Variants in STAG1 observed in about 807,000 individuals in gnomAD.
The protein encoded by STAG1 is STAG1 cohesin complex component.
STAG1 carries 26 observed loss-of-function variants against 170.9 expected under a neutral mutation model. The observed-to-expected ratio is 0.15, with a 90% CI of 0.11 to 0.21. The LOEUF (loss-of-function observed/expected upper bound fraction) is 0.21. Ranked by LOEUF, STAG1 falls within the 10% of genes least tolerant of loss-of-function variation. The pLI is 1.00. For missense variants in STAG1, 964 were observed against 1,509.5 expected (o/e 0.64, Z 5.99); for synonymous variants, 514 against 497.7 (o/e 1.03, Z -0.44).
intron 1 of STAG1, among the ~76,000 whole-genome samples, chr3:136,651,841 G>A (rs1576717140): frequency 6.6e-6 from 1 of 152,212 alleles, no homozygotes; most frequent in East Asian, 1.9e-4. Flanking sequence ...GACATCCTAA[G>A]CTCTGTGAAA....
chr3:136,595,511 G>A (rs1414589902), intron 4 of STAG1, among the ~76,000 whole-genome samples: 1 of 151,750 alleles, frequency 6.6e-6, no homozygotes, highest in Non-Finnish European at 1.5e-5. Flanking sequence ...GGCTAACACG[G>A]TAAAACCCTG....
At chr3:136,540,270 T>C (rs917307762) in intron 6 of STAG1, among the ~76,000 whole-genome samples, 1 of 151,990 alleles carries the variant, frequency 6.6e-6, no homozygotes, top group African/African-American at 2.4e-5. Flanking sequence ...AGTAAGTATT[T>C]TCACTTTAAA....
At chr3:136,349,502 C>A in intron 28 of STAG1, 139 bp from the exon 29 acceptor site, 1 of 661,426 alleles carries the variant, frequency 1.5e-6, no homozygotes. Context: ...CAGTGGTCAC[C>A]TTTGGAAAGA....
intron 5 of STAG1, among the ~76,000 whole-genome samples, chr3:136,554,658 G>T (rs1936536568): frequency 6.6e-6 from 1 of 152,174 alleles, no homozygotes; most frequent in Non-Finnish European, 1.5e-5. Flanking sequence ...ATATTGTGAG[G>T]TTGAGAGGGG....
chr3:136,736,875 T>C (rs1031594787), intron 1 of STAG1: 5 of 1,584,706 alleles, frequency 3.2e-6, no homozygotes, highest in Non-Finnish European at 4.3e-6. Context: ...ATTCTTTTCC[T>C]GCCTGAATTA....
intron 1 of STAG1, among the ~76,000 whole-genome samples, chr3:136,637,755 C>T (rs1940628323): frequency 1.3e-5 from 2 of 151,976 alleles, no homozygotes. Flanking sequence ...ACCTGGAACT[C>T]CAGAATGAAT....
At position 136,568,752 on chromosome 3, in the gene STAG1, C is replaced by T. The variant is rs189577134; in HGVS notation, c.394+13G>A. ...CAGGCTCAATGTACATCATTTATTT[C>T]AACATTCTGTACCTCGACATCCTGA... On this transcript the variant is annotated intron_variant, in intron 5 of 33. Transcript: ENST00000383202. 6,184 of 1,594,034 alleles carry T rather than the reference C, an allele frequency of 3.9e-3. 25 individuals carry two copies. The highest frequency in any genetic ancestry group is 4.8e-3 in the Admixed American group (285 of 59,798).
At chr3:136,458,592 TGA>T (rs1325499230) in intron 13 of STAG1, among the ~76,000 whole-genome samples, 5 of 150,288 alleles carry the variant, frequency 3.3e-5, no homozygotes, top group African/African-American at 9.8e-5. Flanking sequence ...AGGAAGACAG[TGA>T]GAGAGAGAAA....
At chr3:136,528,469 A>G (rs1474220061) in intron 6 of STAG1, among the ~76,000 whole-genome samples, 1 of 145,952 alleles carries the variant, frequency 6.9e-6, no homozygotes, top group Non-Finnish European at 1.5e-5. Context: ...GAATACAATA[A>G]TTCCCCAGCA....
At chr3:136,631,291 A>G (rs534751319) in intron 1 of STAG1, among the ~76,000 whole-genome samples, 1 of 152,376 alleles carries the variant, frequency 6.6e-6, no homozygotes, top group African/African-American at 2.4e-5. Flanking sequence ...ATTATTAAGT[A>G]AAGAAGCCAA....
chr3:136,559,123 A>AT lies in STAG1; in HGVS notation c.394+9641_394+9642insA, dbSNP rs1316640410. 6.0e-3 allele frequency among the ~76,000 whole-genome samples: 786 copies of AT among 129,924 alleles called. 5 individuals carry two copies. Among genetic ancestry groups the AT allele is most frequent in the African/African-American group, 0.02 (690 of 34,342 alleles). The allele number at this position is 129,924 out of a possible 152,430, so 85.2% of individuals were successfully genotyped here. A position where few individuals can be genotyped will look rare whatever the true frequency, so the allele number is the denominator to read the frequency against. On this transcript the variant is annotated intron_variant, in intron 5 of 33. Coordinates refer to ENST00000383202, the MANE Select transcript of STAG1 (RefSeq NM_005862.3). The stretch of plus-strand genomic sequence containing the variant: ...GATTTAAGAAAGATAACACTGAACT[A>AT]CCTATCTATCTATCTATCTATCTAT...
intron 1 of STAG1, among the ~76,000 whole-genome samples, chr3:136,632,915 T>C (rs1256523563): frequency 6.6e-6 from 1 of 152,082 alleles, no homozygotes; most frequent in East Asian, 1.9e-4. Context: ...GGGTGCCAAT[T>C]CTTTAGGTAA....
chr3:136,705,874 G>T (rs1451299182), intron 1 of STAG1, among the ~76,000 whole-genome samples: 2 of 151,944 alleles, frequency 1.3e-5, no homozygotes, highest in Admixed American at 6.6e-5. Flanking sequence ...AGACACAATG[G>T]CTCATGCCTA....
intron 16 of STAG1, among the ~76,000 whole-genome samples, chr3:136,432,164 T>A (rs956736609): frequency 9.2e-5 from 14 of 152,322 alleles, no homozygotes; most frequent in African/African-American, 3.4e-4. Context: ...GTTTTTCTAT[T>A]GTCTCTTTCA....
intron 16 of STAG1, among the ~76,000 whole-genome samples, chr3:136,424,260 C>CA (rs2088045823): frequency 6.6e-6 from 1 of 151,088 alleles, no homozygotes. Flanking sequence ...TCTTGAAATT[C>CA]ATTTGACAAT....
At chr3:136,550,838 T>C (rs1032459631) in intron 5 of STAG1, among the ~76,000 whole-genome samples, 8 of 152,194 alleles carry the variant, frequency 5.3e-5, no homozygotes, top group African/African-American at 1.9e-4. Context: ...GTCAGGTATT[T>C]TATACAATGT....
chr3:136,473,969 T>C (rs761619951), intron 10 of STAG1, among the ~76,000 whole-genome samples: 3 of 152,200 alleles, frequency 2.0e-5, no homozygotes, highest in Non-Finnish European at 4.4e-5. Context: ...TGTTTATTTG[T>C]CCTTTATGTA....
intron 19 of STAG1, among the ~76,000 whole-genome samples, chr3:136,421,763 G>A (rs112685320): frequency 2.2e-4 from 33 of 152,216 alleles, no homozygotes; most frequent in Middle Eastern, 3.4e-3. Context: ...TAATTTGTAC[G>A]CTCTATTCAT....
At chr3:136,624,107 C>CTT (rs113818295) in intron 2 of STAG1, among the ~76,000 whole-genome samples, 1 of 146,498 alleles carries the variant, frequency 6.8e-6, no homozygotes, top group African/African-American at 2.5e-5. Flanking sequence ...ATATTGGAAT[C>CTT]TTTTTTTTTT....
Sources: gnomAD v4.1 joint callset for allele counts (sites outside exome capture counted in the v4.1 genomes callset) on GRCh38, gnomAD v4.1.1 for gene constraint, MANE v1.5 for transcripts, NCBI Gene and HGNC (gene_info 2026-07-23, HGNC 2026-07-21) for gene names.